Variants in NOS1AP observed in about 807,000 individuals in gnomAD.
NOS1AP encodes the protein carboxyl-terminal PDZ ligand of neuronal nitric oxide synthase protein.
NOS1AP carries 21 observed loss-of-function variants against 56.2 expected under a neutral mutation model. The observed-to-expected ratio is 0.37, with a 90% CI of 0.26 to 0.54. NOS1AP has a LOEUF of 0.54. Ranked by LOEUF, NOS1AP falls within the 20% of genes least tolerant of loss-of-function variation. The pLI is 0.84. For missense variants in NOS1AP, 522 were observed against 657.8 expected, an observed-to-expected ratio of 0.79 and a Z score of 2.26; for synonymous variants, 270 against 274.6, an observed-to-expected ratio of 0.98 and a Z score of 0.17.
rs1658141840 is a variant in NOS1AP, at chr1:162,367,579, AGGGCCC to A, written c.*116_*121del. On this transcript the variant is annotated 3_prime_UTR_variant, in exon 10 of 10. Transcript: ENST00000361897. The surrounding 1 kb of genome is among the most constrained non-coding windows in gnomAD (Gnocchi z 6.5). The stretch of plus-strand genomic sequence containing the variant: ...TGCACTGCCGAGGAGAATGCCAGCC[AGGGCCC>A]GGGAGAGTGTGAGGTTTCAGGAAAG... The A allele has an allele frequency of 8.5e-7, 1 of 1,181,356 alleles. No individual in the cohort carries two copies. Among genetic ancestry groups the A allele is most frequent in the African/African-American group, 1.5e-5 (1 of 65,232 alleles). 73.2% of individuals were successfully genotyped at this position (1,181,356 alleles called of 1,614,324 possible).
intron 1 of NOS1AP, among the ~76,000 whole-genome samples, chr1:162,111,704 C>T (rs184241382): frequency 6.6e-6 from 1 of 152,332 alleles, no homozygotes; most frequent in Admixed American, 6.5e-5. Flanking sequence ...ACAGAGAGGT[C>T]AATGCCTGCC....
intron 1 of NOS1AP, among the ~76,000 whole-genome samples, chr1:162,118,275 C>A (rs1648053457): frequency 6.6e-6 from 1 of 152,180 alleles, no homozygotes; most frequent in African/African-American, 2.4e-5. Flanking sequence ...ATCTAGTGGT[C>A]CCCAGTGTCT....
At chr1:162,123,952 C>T (rs1052370684) in intron 1 of NOS1AP, among the ~76,000 whole-genome samples, 2 of 151,988 alleles carry the variant, frequency 1.3e-5, no homozygotes, top group African/African-American at 4.8e-5. Flanking sequence ...GAGGCAATAC[C>T]ATTATCTTCT....
chr1:162,272,178 C>G, intron 2 of NOS1AP, among the ~76,000 whole-genome samples: 1 of 152,118 alleles, frequency 6.6e-6, no homozygotes, highest in South Asian at 2.1e-4. Flanking sequence ...GACAGTAATC[C>G]CATCATGCGG....
intron 2 of NOS1AP, among the ~76,000 whole-genome samples, chr1:162,173,083 C>G (rs1173954358): frequency 6.6e-6 from 1 of 152,142 alleles, no homozygotes; most frequent in Non-Finnish European, 1.5e-5. Context: ...TGGGTGCTAC[C>G]ATGCCCAGCT....
chr1:162,327,551 A>G (rs1656631366), intron 4 of NOS1AP, among the ~76,000 whole-genome samples: 1 of 152,224 alleles, frequency 6.6e-6, no homozygotes, highest in South Asian at 2.1e-4. Context: ...GAACTTGGAA[A>G]AGGAAATCAT....
At chr1:162,162,845 T>C (rs994828782) in intron 2 of NOS1AP, among the ~76,000 whole-genome samples, 1 of 152,100 alleles carries the variant, frequency 6.6e-6, no homozygotes, top group African/African-American at 2.4e-5. Flanking sequence ...AAATATACAA[T>C]TCAGTGAGTT....
intron 5 of NOS1AP, 109 bp downstream of exon 5, chr1:162,333,234 G>A: frequency 1.3e-6 from 1 of 746,764 alleles, no homozygotes; most frequent in East Asian, 2.6e-5. Flanking sequence ...GCCGACATGG[G>A]GCAACTATCT....
intron 2 of NOS1AP, among the ~76,000 whole-genome samples, chr1:162,215,969 C>T (rs144496153): frequency 2.6e-4 from 39 of 152,306 alleles, no homozygotes; most frequent in African/African-American, 8.7e-4. Flanking sequence ...TCTCTGGCCA[C>T]GCCTTGGTCT....
At chr1:162,253,838 GTAGT>G (rs1364949099) in intron 2 of NOS1AP, among the ~76,000 whole-genome samples, 3 of 152,050 alleles carry the variant, frequency 2.0e-5, no homozygotes, top group African/African-American at 7.3e-5. Context: ...ACACAGATGA[GTAGT>G]TTAGCTGAAG....
At chr1:162,257,703 A>G (rs965152791) in intron 2 of NOS1AP, among the ~76,000 whole-genome samples, 2 of 151,420 alleles carry the variant, frequency 1.3e-5, no homozygotes, top group African/African-American at 4.9e-5. Flanking sequence ...ACATGTAAAC[A>G]CTGTCAAAGG....
chr1:162,243,300 T>C (rs557144924), intron 2 of NOS1AP, among the ~76,000 whole-genome samples: 15 of 151,942 alleles, frequency 9.9e-5, no homozygotes, highest in Non-Finnish European at 1.5e-4. Context: ...GAGAAGCAGG[T>C]GAGGAAGGCA....
At chr1:162,276,545 A>T (rs868054134) in intron 2 of NOS1AP, among the ~76,000 whole-genome samples, 94 of 151,142 alleles carry the variant, frequency 6.2e-4, no homozygotes, top group Middle Eastern at 6.8e-3. Flanking sequence ...AAAAAAGCCC[A>T]ATGTCCAGGC....
intron 2 of NOS1AP, among the ~76,000 whole-genome samples, chr1:162,207,613 C>CA (rs1297144898): frequency 6.6e-6 from 1 of 152,178 alleles, no homozygotes; most frequent in Non-Finnish European, 1.5e-5. Context: ...TGGCAGGGAG[C>CA]AAATGTTCAT....
chr1:162,340,823 G>A (rs347287), intron 5 of NOS1AP, among the ~76,000 whole-genome samples: 133,110 of 152,200 alleles, frequency 0.87, 59,095 homozygotes, highest in Non-Finnish European at 0.95. Flanking sequence ...AGTAAAATGT[G>A]AAAATGAAGT....
At chr1:162,205,408 A>G (rs1233229815) in intron 2 of NOS1AP, among the ~76,000 whole-genome samples, 1 of 152,342 alleles carries the variant, frequency 6.6e-6, no homozygotes. Flanking sequence ...AGCATTAAAC[A>G]TGAGCTTGGC....
intron 4 of NOS1AP, among the ~76,000 whole-genome samples, chr1:162,319,449 C>T (rs1424017859): frequency 2.0e-5 from 3 of 152,154 alleles, no homozygotes; most frequent in African/African-American, 7.2e-5. Context: ...AGTCTGAGCT[C>T]TGTAGCTGGG....
chr1:162,210,837 C>T (rs1652326753), intron 2 of NOS1AP, among the ~76,000 whole-genome samples: 1 of 152,232 alleles, frequency 6.6e-6, no homozygotes, highest in Non-Finnish European at 1.5e-5. Flanking sequence ...TTTATTTCTT[C>T]ATCTCTGCTA....
At chr1:162,289,214 TTCC>T (rs1318288630) in intron 3 of NOS1AP, among the ~76,000 whole-genome samples, 9 of 15,402 alleles carry the variant, frequency 5.8e-4, no homozygotes, top group Middle Eastern at 0.022. Context: ...CTTCCTTTCC[TTCC>T]TTCCTTCCTT....
Sources: gnomAD v4.1 joint callset for allele counts (sites outside exome capture counted in the v4.1 genomes callset) on GRCh38, gnomAD v4.1.1 for gene constraint, Gnocchi (gnomAD v3.1) non-coding constraint, MANE v1.5 for transcripts, NCBI Gene and HGNC (gene_info 2026-07-23, HGNC 2026-07-21) for gene names.